Variants in NTM observed in about 807,000 individuals in gnomAD.
The protein encoded by NTM is neurotrimin, also known as IgLON family member 2.
In NTM, 13 loss-of-function variants were observed where a neutral mutation model predicts 42.1. The ratio of observed to expected loss-of-function variants is 0.31; its 90% CI spans 0.20 to 0.49. The LOEUF (loss-of-function observed/expected upper bound fraction) is 0.49, where lower values mean the gene tolerates loss of function less well. Among genes scored for constraint, NTM ranks in the 20% least tolerant of loss-of-function variants. NTM has a pLI of 0.99. For synonymous variants in NTM, 187 were observed against 179.2 expected (o/e 1.04, Z -0.35); for missense variants, 373 against 452.8 (o/e 0.82, Z 1.60).
In NTM at chr11:131,830,196, G is replaced by A. The variant is rs116552862; in HGVS notation, c.83-81368G>A. Among the ~76,000 whole-genome samples, 1,005 of 152,120 alleles carry A rather than the reference G, an allele frequency of 6.6e-3. 15 individuals are homozygous for A. The highest frequency in any genetic ancestry group is 0.023 in the African/African-American group (940 of 41,514). On this transcript the variant is annotated intron_variant, in intron 1 of 8. Transcript: ENST00000683400. ...TTCATTTGATTAAGTTCCACTTGTC[G>A]ATTTTTGTTTTTGTTGCAATTGTTT...
chr11:131,821,734 G>A (rs2136423865), intron 1 of NTM, among the ~76,000 whole-genome samples: 1 of 152,292 alleles, frequency 6.6e-6, no homozygotes, highest in East Asian at 1.9e-4. Context: ...CTGGGGCTGG[G>A]GAGAACCATG....
chr11:131,782,369 C>CA (rs141768002), intron 1 of NTM, among the ~76,000 whole-genome samples: 4,336 of 143,512 alleles, frequency 0.03, 202 homozygotes, highest in African/African-American at 0.1. Context: ...AATGTTTCCA[C>CA]AAAAAAAAAC....
chr11:131,757,419 G>A lies in NTM; in HGVS notation c.83-154145G>A, dbSNP rs989302127. Among the ~76,000 whole-genome samples the A allele has an allele frequency of 3.9e-5, 6 of 152,168 alleles. No homozygotes were observed. The South Asian group carries it at 6.2e-4, about 16-fold the overall frequency. On this transcript the variant is annotated intron_variant, in intron 1 of 8. Transcript: ENST00000683400. ...CTTCAACGATATACCAGGTCACACCGTTTTCCCAAGGGGTTTTAACCTGTC... is the reference window on the plus strand; with the variant it reads ...CTTCAACGATATACCAGGTCACACCATTTTCCCAAGGGGTTTTAACCTGTC...
At chr11:131,992,997 G>A (rs1218641406) in intron 2 of NTM, among the ~76,000 whole-genome samples, 2 of 152,126 alleles carry the variant, frequency 1.3e-5, no homozygotes, top group Non-Finnish European at 2.9e-5. Context: ...ACTTCTGGGG[G>A]TTTACCCACT....
intron 4 of NTM, among the ~76,000 whole-genome samples, chr11:132,261,987 C>G (rs1377025513): frequency 6.6e-6 from 1 of 152,220 alleles, no homozygotes; most frequent in African/African-American, 2.4e-5. Flanking sequence ...AAAGAGCACT[C>G]CAAGTCTGTG....
chr11:132,217,893 A>G lies in NTM; in HGVS notation c.526+5746A>G, dbSNP rs188075265. Among the ~76,000 whole-genome samples the G allele has an allele frequency of 8.3e-3, 1,254 of 151,844 alleles. 21 individuals are homozygous for G. Among genetic ancestry groups the G allele is most frequent in the African/African-American group, 0.029 (1,202 of 41,390 alleles). On this transcript the variant is annotated intron_variant, in intron 4 of 8. Transcript: ENST00000683400. ...CCCCAATATCCTCACCCCACCATAC[A>G]TCCACCTATTTTCCTATTTGTAAGC...
intron 2 of NTM, among the ~76,000 whole-genome samples, chr11:131,997,214 G>A (rs564462258): frequency 1.5e-4 from 23 of 152,290 alleles, no homozygotes; most frequent in African/African-American, 5.3e-4. Flanking sequence ...CAGCCAGAGT[G>A]GCTTTGCAGA....
At chr11:132,041,500 C>T (rs1264414049) in intron 2 of NTM, among the ~76,000 whole-genome samples, 1 of 152,116 alleles carries the variant, frequency 6.6e-6, no homozygotes, top group African/African-American at 2.4e-5. Context: ...GTCAGTCATA[C>T]ATTTTATTTT....
At chr11:131,708,038 A>T (rs2076760490) in intron 1 of NTM, among the ~76,000 whole-genome samples, 1 of 152,190 alleles carries the variant, frequency 6.6e-6, no homozygotes, top group Non-Finnish European at 1.5e-5. Context: ...CTACCAAAAA[A>T]GCTGGTAAGA....
chr11:131,932,509 G>A (rs1409576178), intron 2 of NTM, among the ~76,000 whole-genome samples: 5 of 152,200 alleles, frequency 3.3e-5, no homozygotes, highest in Admixed American at 2.6e-4. Flanking sequence ...TGTCTAAAAC[G>A]GTGCAGAGCC....
chr11:131,449,509 G>A (rs535143384), intron 1 of NTM, among the ~76,000 whole-genome samples: 10 of 152,340 alleles, frequency 6.6e-5, no homozygotes, highest in South Asian at 2.1e-4. Context: ...GAGTCCTGTC[G>A]TCTTGCCTGC....
At chr11:131,922,365 C>A (rs142092393) in intron 2 of NTM, 4 of 152,498 alleles carry the variant, frequency 2.6e-5, no homozygotes, top group Admixed American at 2.6e-4. Context: ...ACCGCACATC[C>A]TGCTGCTCAT....
intron 3 of NTM, among the ~76,000 whole-genome samples, chr11:132,208,263 A>G (rs1311067899): frequency 6.6e-6 from 1 of 152,236 alleles, no homozygotes; most frequent in African/African-American, 2.4e-5. Flanking sequence ...CTGACAATGT[A>G]CTAGAAGTTG....
At chr11:132,070,377 T>A (rs1291450435) in intron 2 of NTM, among the ~76,000 whole-genome samples, 3 of 142,918 alleles carry the variant, frequency 2.1e-5, no homozygotes, top group Non-Finnish European at 4.6e-5. Context: ...CACAGGTTAG[T>A]TAACACGTCA....
At chr11:132,206,109 A>G (rs1158798176) in intron 3 of NTM, among the ~76,000 whole-genome samples, 1 of 152,188 alleles carries the variant, frequency 6.6e-6, no homozygotes. Flanking sequence ...AGTTTAATCC[A>G]GGCTTTGAAC....
chr11:132,048,655 A>G (rs73030374), intron 2 of NTM, among the ~76,000 whole-genome samples: 3 of 152,168 alleles, frequency 2.0e-5, no homozygotes, highest in African/African-American at 7.2e-5. Flanking sequence ...TCAGGGACCC[A>G]GAAGTTGAGA....
At chr11:132,034,651 G>A (rs1227265244) in intron 2 of NTM, among the ~76,000 whole-genome samples, 2 of 152,218 alleles carry the variant, frequency 1.3e-5, no homozygotes, top group African/African-American at 4.8e-5. Context: ...AGATGGTTGT[G>A]AGTTTAGGGA....
chr11:131,865,701 A>G (rs2047064061), intron 1 of NTM, among the ~76,000 whole-genome samples: 1 of 148,268 alleles, frequency 6.7e-6, no homozygotes. Context: ...AAAAACACAG[A>G]CACCCCACAC....
intron 1 of NTM, among the ~76,000 whole-genome samples, chr11:131,609,857 A>T (rs2061329014): frequency 6.6e-6 from 1 of 152,150 alleles, no homozygotes; most frequent in South Asian, 2.1e-4. Flanking sequence ...GGGAGAAGGG[A>T]CCAAACACAG....
Sources: allele counts gnomAD v4.1 joint callset (sites outside exome capture counted in the v4.1 genomes callset), GRCh38; gene constraint gnomAD v4.1.1; transcripts MANE v1.5; gene names NCBI Gene and HGNC (gene_info 2026-07-23, HGNC 2026-07-21).